Variants in AGAP1 observed in about 807,000 individuals in gnomAD.
AGAP1 encodes the protein arf-GAP with GTPase, ANK repeat and PH domain-containing protein 1.
A neutral mutation model predicts 105.3 loss-of-function variants in AGAP1; 29 were observed. That is an observed-to-expected ratio of 0.28 (90% CI 0.21 to 0.38). The LOEUF (loss-of-function observed/expected upper bound fraction) is 0.38. Among genes scored for constraint, AGAP1 ranks in the 10% least tolerant of loss-of-function variants. AGAP1 has a pLI of 1.00. For missense variants in AGAP1, 998 were observed against 1,165.1 expected, an observed-to-expected ratio of 0.86 and a Z score of 2.09; for synonymous variants, 509 against 485.9, an observed-to-expected ratio of 1.05 and a Z score of -0.63.
At chr2:235,969,647 C>T (rs2054560131) in intron 13 of AGAP1, among the ~76,000 whole-genome samples, 1 of 152,202 alleles carries the variant, frequency 6.6e-6, no homozygotes, top group Non-Finnish European at 1.5e-5. Flanking sequence ...GGGAGTGGCC[C>T]ATCCCGTCCA....
At chr2:236,084,323 T>C (rs1293670491) in intron 16 of AGAP1, among the ~76,000 whole-genome samples, 1 of 152,208 alleles carries the variant, frequency 6.6e-6, no homozygotes, top group African/African-American at 2.4e-5. Flanking sequence ...AAATGCACAG[T>C]ACATTCATTC....
intron 3 of AGAP1, among the ~76,000 whole-genome samples, chr2:235,722,826 T>G (rs1297497924): frequency 6.6e-6 from 1 of 152,028 alleles, no homozygotes; most frequent in African/African-American, 2.4e-5. Flanking sequence ...TGGGCTACAT[T>G]GGAAGAGGAA....
chr2:235,840,841 T>C (rs891960979), intron 9 of AGAP1, among the ~76,000 whole-genome samples: 1 of 151,410 alleles, frequency 6.6e-6, no homozygotes, highest in African/African-American at 2.4e-5. Context: ...GAAATAGCCA[T>C]TGAAGACATG....
chr2:235,914,956 A>G (rs1230644675), intron 11 of AGAP1, among the ~76,000 whole-genome samples: 1 of 152,210 alleles, frequency 6.6e-6, no homozygotes, highest in East Asian at 1.9e-4. Context: ...GGAAACAGAG[A>G]TGATTGTGAA....
chr2:235,820,989 T>C (rs937781616), intron 9 of AGAP1, among the ~76,000 whole-genome samples: 2 of 152,214 alleles, frequency 1.3e-5, no homozygotes, highest in Non-Finnish European at 2.9e-5. Context: ...AATCTAACAG[T>C]CATACATGAT....
rs556693356 is a variant in AGAP1, at chr2:235,757,084, T to C, written c.673+6596T>C. ...TGCTCCCCACCAAAACGTCAGCGTC[T>C]TAAGCTTGTATTCATATGACCATAG... On this transcript the variant is annotated intron_variant, in intron 6 of 17. Coordinates refer to ENST00000304032, the MANE Select transcript of AGAP1 (RefSeq NM_001037131.3). Among the ~76,000 whole-genome samples, 4 of 152,374 alleles carry C rather than the reference T, an allele frequency of 2.6e-5. No individual in the cohort carries two copies. In the East Asian group the frequency reaches 7.7e-4, roughly 29 times the overall value.
At chr2:235,699,947 G>A (rs1471573166) in intron 1 of AGAP1, among the ~76,000 whole-genome samples, 1 of 152,196 alleles carries the variant, frequency 6.6e-6, no homozygotes, top group African/African-American at 2.4e-5. Context: ...TCGGTGTTGG[G>A]GGAACGGCCT....
chr2:235,590,715 ATTTTTTT>A (rs67076321), intron 1 of AGAP1, among the ~76,000 whole-genome samples: 2 of 53,714 alleles, frequency 3.7e-5, no homozygotes, highest in Non-Finnish European at 6.5e-5. Flanking sequence ...GTGTGTGTGC[ATTTTTTT>A]TTTTTTTTTT....
rs1343076278 is a variant in AGAP1 at position 235,705,119 on chromosome 2, C to G, written c.164-4060C>G. Among the ~76,000 whole-genome samples the G allele has an allele frequency of 6.6e-6, 1 of 151,978 alleles. No individual in the cohort carries two copies. The highest frequency in any genetic ancestry group is 1.5e-5 in the Non-Finnish European group (1 of 68,020). On this transcript the variant is annotated intron_variant, in intron 1 of 17. Coordinates refer to ENST00000304032, the MANE Select transcript of AGAP1 (RefSeq NM_001037131.3). This position sits in a 1 kb window ranked among gnomAD's most constrained non-coding sequence, Gnocchi z 4.9. Reference sequence around the variant, plus strand: ...TCAGCCTCCCGAGCAGCTGGGATTACAATCATGTGCCACCACGCCTGGCTA... The same window carrying G: ...TCAGCCTCCCGAGCAGCTGGGATTAGAATCATGTGCCACCACGCCTGGCTA...
At chr2:235,735,636 G>C (rs1952203881) in intron 3 of AGAP1, among the ~76,000 whole-genome samples, 1 of 151,874 alleles carries the variant, frequency 6.6e-6, no homozygotes, top group South Asian at 2.1e-4. Flanking sequence ...TTCATTCACG[G>C]TGAACGCACC....
rs537989886 is a variant in AGAP1 at position 235,913,040 on chromosome 2, T to A, written c.1324+4134T>A. On this transcript the variant is annotated intron_variant, in intron 11 of 17. Coordinates refer to ENST00000304032, the MANE Select transcript of AGAP1 (RefSeq NM_001037131.3). ...AGGATATGAATATATTTTGCAGGTA[T>A]TTCCCCAGTTTATTATTTGCCTTTT... Among the ~76,000 whole-genome samples the A allele has an allele frequency of 3.3e-5, 5 of 152,332 alleles. No individual in the cohort carries two copies. The East Asian group carries it at 9.6e-4, about 29-fold the overall frequency.
chr2:235,925,255 T>C (rs1359949544), intron 11 of AGAP1, among the ~76,000 whole-genome samples: 1 of 152,194 alleles, frequency 6.6e-6, no homozygotes, highest in Admixed American at 6.5e-5. Context: ...AATCTGGCTT[T>C]TACAATCTCC....
At chr2:235,878,055 C>A (rs553461923) in intron 9 of AGAP1, among the ~76,000 whole-genome samples, 1 of 152,186 alleles carries the variant, frequency 6.6e-6, no homozygotes, top group African/African-American at 2.4e-5. Context: ...CCACGGTGCC[C>A]GTGGAAACCC....
intron 9 of AGAP1, among the ~76,000 whole-genome samples, chr2:235,837,738 C>T (rs1960336459): frequency 6.6e-6 from 1 of 152,154 alleles, no homozygotes; most frequent in Non-Finnish European, 1.5e-5. Context: ...AGACATTAAA[C>T]CTTATTAGGT....
At chr2:235,972,549 C>G (rs1270642726) in intron 13 of AGAP1, among the ~76,000 whole-genome samples, 1 of 152,174 alleles carries the variant, frequency 6.6e-6, no homozygotes, top group Non-Finnish European at 1.5e-5. Context: ...AAGCTTCCAG[C>G]TAGGAGCTGT....
In AGAP1 at chr2:235,908,638, AG is replaced by A. The variant is rs1409834705; in HGVS notation, c.1156-97del. On this transcript the variant is annotated intron_variant, in intron 10 of 17. Coordinates refer to ENST00000304032, the MANE Select transcript of AGAP1 (RefSeq NM_001037131.3). This position sits in a 1 kb window ranked among gnomAD's most constrained non-coding sequence, Gnocchi z 4.4. ...GTACTTTCCACAGTGGAAGGGTCAT[AG>A]GGTTTTAACTCATGACGTCTGATAG... is the stretch of plus-strand genomic sequence containing the variant. 7.2e-6 allele frequency: 8 copies of A among 1,111,206 alleles called. No homozygotes were observed. The highest frequency in any genetic ancestry group is 9.0e-6 in the Non-Finnish European group (7 of 779,650). 68.8% of individuals were successfully genotyped at this position (1,111,206 alleles called of 1,614,324 possible). A position where few individuals can be genotyped will look rare whatever the true frequency, so the allele number is the denominator to read the frequency against.
intron 8 of AGAP1, among the ~76,000 whole-genome samples, chr2:235,802,518 A>C (rs182429185): frequency 2.0e-5 from 3 of 152,220 alleles, no homozygotes; most frequent in African/African-American, 7.2e-5. Context: ...GTCATAAAAG[A>C]AGCTACCACT....
intron 8 of AGAP1, among the ~76,000 whole-genome samples, chr2:235,803,007 G>GTGATGGTGGTGA (rs1575506581): frequency 1.3e-4 from 1 of 7,736 alleles, no homozygotes; most frequent in African/African-American, 3.1e-4. Flanking sequence ...GGTGATGGTT[G>GTGATGGTGGTGA]TGGTTGTGAT....
chr2:235,966,308 G>A lies in AGAP1; in HGVS notation c.1484-2154G>A, dbSNP rs10208169. ...TTCCTCTGGGGATGGAGAAGAGGGG[G>A]GCCTGTTCCTCTGGGGATGGAGAGA... On this transcript the variant is annotated intron_variant, in intron 12 of 17. Coordinates refer to ENST00000304032, the MANE Select transcript of AGAP1 (RefSeq NM_001037131.3). 8.6e-3 allele frequency among the ~76,000 whole-genome samples: 1,228 copies of A among 142,852 alleles called. 17 individuals carry two copies. Among genetic ancestry groups the A allele is most frequent in the African/African-American group, 0.03 (1,169 of 38,690 alleles). The allele number at this position is 142,852 out of a possible 152,430, so 93.7% of individuals were successfully genotyped here.
Sources: gnomAD v4.1 joint callset for allele counts (sites outside exome capture counted in the v4.1 genomes callset) on GRCh38, gnomAD v4.1.1 for gene constraint, Gnocchi (gnomAD v3.1) non-coding constraint, MANE v1.5 for transcripts, NCBI Gene and HGNC (gene_info 2026-07-23, HGNC 2026-07-21) for gene names.